Variants in FLT3 observed in about 807,000 individuals in gnomAD.
FLT3 encodes the protein receptor-type tyrosine-protein kinase FLT3.
FLT3 carries 46 observed loss-of-function variants against 126.6 expected under a neutral mutation model. That is an observed-to-expected ratio of 0.36 (90% CI 0.29 to 0.46). The LOEUF (loss-of-function observed/expected upper bound fraction) is 0.46, where lower values mean the gene tolerates loss of function less well. Ranked by LOEUF, FLT3 falls within the 20% of genes least tolerant of loss-of-function variation. The pLI, the probability that FLT3 is intolerant of heterozygous loss-of-function variation, is 1.00. For missense variants in FLT3, 1,069 were observed against 1,190.3 expected (o/e 0.90, Z 1.50); for synonymous variants, 404 against 434.4 (o/e 0.93, Z 0.87).
rs2491224 is a variant in FLT3 at position 28,034,674 on chromosome 13, T to G, written c.1598-267A>C. Reference sequence around the variant, plus strand: ...GTAAATTTACAAGAATTACATCTGGTCCAGGCACGATGGCTCACGCCTGTA... The same window carrying G: ...GTAAATTTACAAGAATTACATCTGGGCCAGGCACGATGGCTCACGCCTGTA... On this transcript the variant is annotated intron_variant, in intron 12 of 23. Transcript: ENST00000241453. Among the ~76,000 whole-genome samples the G allele has an allele frequency of 0.62, 93,736 of 152,106 alleles. 32,540 individuals carry two copies. Among genetic ancestry groups the G allele is most frequent in the Non-Finnish European group, 0.77 (52,527 of 67,988 alleles).
chr13:28,077,456 T>G (rs911505649), intron 1 of FLT3, among the ~76,000 whole-genome samples: 18 of 152,120 alleles, frequency 1.2e-4, no homozygotes, highest in African/African-American at 4.1e-4. Flanking sequence ...TCGTGAGACT[T>G]ATTCCCATCA....
chr13:28,010,310 T>C (rs910129559), intron 23 of FLT3, among the ~76,000 whole-genome samples: 3 of 152,138 alleles, frequency 2.0e-5, no homozygotes, highest in African/African-American at 7.2e-5. Flanking sequence ...TATTTACCCT[T>C]GCTAATGAAG....
chr13:28,025,530 A>G (rs1388888585), intron 17 of FLT3: 1 of 321,790 alleles, frequency 3.1e-6, no homozygotes, highest in East Asian at 9.5e-5. Flanking sequence ...ATTCTAATAT[A>G]CGAGTTTAAC....
At chr13:28,050,446 A>G (rs561737631) in intron 5 of FLT3, among the ~76,000 whole-genome samples, 1 of 152,334 alleles carries the variant, frequency 6.6e-6, no homozygotes, top group African/African-American at 2.4e-5. Flanking sequence ...GGAGAATTAC[A>G]TAACAAAACA....
At chr13:28,060,240 C>CAAAAAAAAAAAAAAA (rs71086821) in intron 3 of FLT3, among the ~76,000 whole-genome samples, 1 of 113,064 alleles carries the variant, frequency 8.8e-6, no homozygotes, top group African/African-American at 3.4e-5. Flanking sequence ...ACTAAAAATA[C>CAAAAAAAAAAAAAAA]AAAAAAAAAA....
At chr13:28,017,062 T>G (rs1005439515) in intron 20 of FLT3, among the ~76,000 whole-genome samples, 2 of 152,200 alleles carry the variant, frequency 1.3e-5, no homozygotes, top group African/African-American at 2.4e-5. Context: ...GTCCACATGC[T>G]GTGTAACCAT....
intron 9 of FLT3, among the ~76,000 whole-genome samples, chr13:28,047,613 G>A (rs1307804816): frequency 6.6e-6 from 1 of 151,634 alleles, no homozygotes; most frequent in Non-Finnish European, 1.5e-5. Flanking sequence ...TTGGGAGGCT[G>A]AGGTGGGAGG....
At chr13:28,037,704 G>C (rs1873968874) in intron 9 of FLT3, among the ~76,000 whole-genome samples, 1 of 152,160 alleles carries the variant, frequency 6.6e-6, no homozygotes, top group Admixed American at 6.5e-5. Flanking sequence ...CTGTAGTTCA[G>C]AGGTCCCCAG....
intron 15 of FLT3, among the ~76,000 whole-genome samples, chr13:28,030,427 G>A (rs1873217422): frequency 6.6e-6 from 1 of 152,032 alleles, no homozygotes; most frequent in South Asian, 2.1e-4. Context: ...AGTATTTATT[G>A]AGTGCCTACT....
intron 23 of FLT3, among the ~76,000 whole-genome samples, chr13:28,007,474 T>C (rs1871008715): frequency 6.6e-6 from 1 of 152,156 alleles, no homozygotes; most frequent in Non-Finnish European, 1.5e-5. Flanking sequence ...CTCAAACCTC[T>C]GAGCCCAAGT....
chr13:28,060,413 C>T (rs1419832911), intron 3 of FLT3, among the ~76,000 whole-genome samples: 3 of 77,476 alleles, frequency 3.9e-5, no homozygotes, highest in Non-Finnish European at 7.2e-5. Flanking sequence ...CAGAGCAAAA[C>T]TCTGCCTCAA....
chr13:28,027,008 GTCA>G, intron 17 of FLT3, 77 bp downstream of exon 17: 1 of 1,258,072 alleles, frequency 7.9e-7, no homozygotes, highest in South Asian at 1.4e-5. Flanking sequence ...TTAGAAACTG[GTCA>G]ACGAAGTGTG....
intron 12 of FLT3, 31 bp downstream of exon 12, chr13:28,035,464 T>C: frequency 6.3e-7 from 1 of 1,593,740 alleles, no homozygotes; most frequent in Non-Finnish European, 8.6e-7. Flanking sequence ...GAATTCCTGA[T>C]GGTGGAATAT....
At chr13:28,027,443 C>G (rs537975068) in intron 16 of FLT3, among the ~76,000 whole-genome samples, 1 of 152,210 alleles carries the variant, frequency 6.6e-6, no homozygotes, top group African/African-American at 2.4e-5. Flanking sequence ...GCAGCATCTT[C>G]TTGACATTCT....
At chr13:28,080,915 C>A (rs9507995) in intron 1 of FLT3, among the ~76,000 whole-genome samples, 1 of 151,994 alleles carries the variant, frequency 6.6e-6, no homozygotes, top group Non-Finnish European at 1.5e-5. Context: ...TACCTTTACA[C>A]CTTTATCAAA....
At chr13:28,097,244 A>G (rs984707451) in intron 1 of FLT3, among the ~76,000 whole-genome samples, 7 of 151,596 alleles carry the variant, frequency 4.6e-5, no homozygotes, top group African/African-American at 1.7e-4. Context: ...GAAAGAAAGG[A>G]AGGAAGGAAA....
intron 1 of FLT3, among the ~76,000 whole-genome samples, chr13:28,089,502 C>T (rs1248756740): frequency 1.3e-5 from 2 of 152,050 alleles, no homozygotes; most frequent in Non-Finnish European, 2.9e-5. Context: ...GAGGCCTATC[C>T]ATACAATAGG....
chr13:28,067,048 T>A (rs1026727579), intron 2 of FLT3, among the ~76,000 whole-genome samples: 1 of 152,160 alleles, frequency 6.6e-6, no homozygotes, highest in Non-Finnish European at 1.5e-5. Context: ...CAGAAATCCA[T>A]AATCTCGTTC....
intron 20 of FLT3, among the ~76,000 whole-genome samples, chr13:28,016,824 G>A (rs1871905351): frequency 6.6e-6 from 1 of 152,206 alleles, no homozygotes; most frequent in South Asian, 2.1e-4. Context: ...TCTATGATGA[G>A]TAGGAGTAGA....
Sources: allele counts gnomAD v4.1 joint callset (sites outside exome capture counted in the v4.1 genomes callset), GRCh38; gene constraint gnomAD v4.1.1; transcripts MANE v1.5; gene names NCBI Gene and HGNC (gene_info 2026-07-23, HGNC 2026-07-21).